The following SH3RF3 variants were observed in gnomAD, a reference collection of about 807,000 sequenced individuals.
The protein encoded by SH3RF3 is SH3 domain containing ring finger 3, also known as E3 ubiquitin-protein ligase SH3RF3.
Under a neutral mutation model 66.3 loss-of-function variants are expected in SH3RF3, and 29 were observed. The ratio of observed to expected loss-of-function variants is 0.44; its 90% CI spans 0.33 to 0.60. SH3RF3 has a LOEUF of 0.60. SH3RF3 is among the 20% of genes least tolerant of loss of function. The pLI, the probability that SH3RF3 is intolerant of heterozygous loss-of-function variation, is 0.04. For missense variants in SH3RF3, 1,194 were observed against 1,190.9 expected (o/e 1.00, Z -0.04); for synonymous variants, 583 against 532.0 (o/e 1.10, Z -1.32).
chr2:109,386,362 A>G (rs1299718551), intron 3 of SH3RF3, among the ~76,000 whole-genome samples: 1 of 152,200 alleles, frequency 6.6e-6, no homozygotes, highest in African/African-American at 2.4e-5. Context: ...CAGGCCGTAC[A>G]TGAAGCCAAA....
chr2:109,217,665 C>T (rs952609637), intron 1 of SH3RF3, among the ~76,000 whole-genome samples: 1 of 152,254 alleles, frequency 6.6e-6, no homozygotes, highest in Non-Finnish European at 1.5e-5. Context: ...TGAGGAAGCT[C>T]TCTCACCGGC....
At chr2:109,359,027 T>A (rs964900754) in intron 2 of SH3RF3, among the ~76,000 whole-genome samples, 5 of 152,238 alleles carry the variant, frequency 3.3e-5, no homozygotes, top group African/African-American at 1.2e-4. Flanking sequence ...ACTGTTTATT[T>A]TAAAAACTAT....
At position 109,268,997 on chromosome 2, in the gene SH3RF3, T is replaced by C. The variant is rs112654494; in HGVS notation, c.574-78677T>C. Among the ~76,000 whole-genome samples the C allele has an allele frequency of 6.0e-4, 91 of 152,336 alleles. 1 individual carries two copies. The highest frequency in any genetic ancestry group is 1.8e-3 in the African/African-American group (75 of 41,582). Reference sequence around the variant, plus strand: ...TGTCTGAGGAGGACCTTCTGAGCCCTAAGACATGCCCAGGTGATGAGGCTT... The same window carrying C: ...TGTCTGAGGAGGACCTTCTGAGCCCCAAGACATGCCCAGGTGATGAGGCTT... On this transcript the variant is annotated intron_variant, in intron 1 of 9. Transcript: ENST00000309415.
At chr2:109,492,362 G>T (rs1679151399) in intron 9 of SH3RF3, among the ~76,000 whole-genome samples, 2 of 152,136 alleles carry the variant, frequency 1.3e-5, no homozygotes, top group African/African-American at 2.4e-5. Context: ...CTCCAGAGTG[G>T]ACAGGGCTCT....
intron 1 of SH3RF3, among the ~76,000 whole-genome samples, chr2:109,307,296 A>C (rs968443159): frequency 5.3e-5 from 8 of 152,182 alleles, no homozygotes; most frequent in Non-Finnish European, 1.2e-4. Flanking sequence ...AATATATGAT[A>C]TTGAAGATGT....
chr2:109,420,117 A>G (rs980581703), intron 5 of SH3RF3, among the ~76,000 whole-genome samples: 1 of 152,248 alleles, frequency 6.6e-6, no homozygotes, highest in Non-Finnish European at 1.5e-5. Flanking sequence ...TCATCCCCAA[A>G]TATAACCAGA....
intron 1 of SH3RF3, among the ~76,000 whole-genome samples, chr2:109,161,066 T>A (rs1411565857): frequency 6.6e-6 from 1 of 152,134 alleles, no homozygotes; most frequent in Non-Finnish European, 1.5e-5. Context: ...GTGAGGGTGC[T>A]TGTGATCACA....
chr2:109,383,683 C>T (rs1319217369), intron 3 of SH3RF3, among the ~76,000 whole-genome samples: 1 of 152,164 alleles, frequency 6.6e-6, no homozygotes, highest in Non-Finnish European at 1.5e-5. Context: ...ATTCCAGCTT[C>T]ATTTCGTTGC....
intron 1 of SH3RF3, among the ~76,000 whole-genome samples, chr2:109,149,760 A>G (rs1309114756): frequency 1.3e-5 from 2 of 152,230 alleles, no homozygotes; most frequent in Non-Finnish European, 2.9e-5. Flanking sequence ...CGTTGTGAGT[A>G]AGTGACAATT....
At chr2:109,333,884 C>T (rs1258209251) in intron 1 of SH3RF3, among the ~76,000 whole-genome samples, 1 of 152,024 alleles carries the variant, frequency 6.6e-6, no homozygotes, top group Non-Finnish European at 1.5e-5. Flanking sequence ...ATAATGATAT[C>T]ACCAAAATAA....
intron 1 of SH3RF3, among the ~76,000 whole-genome samples, chr2:109,210,194 T>C (rs1007505172): frequency 1.3e-5 from 2 of 152,260 alleles, no homozygotes; most frequent in African/African-American, 2.4e-5. Flanking sequence ...ATTTTGTGTA[T>C]TCATTCATCT....
intron 1 of SH3RF3, among the ~76,000 whole-genome samples, chr2:109,295,753 A>T (rs938518096): frequency 6.6e-6 from 1 of 152,088 alleles, no homozygotes; most frequent in Non-Finnish European, 1.5e-5. Context: ...TGAATCTCCC[A>T]TGGTTGTGAG....
At position 109,190,384 on chromosome 2, in the gene SH3RF3, G is replaced by A. The variant is rs573949558; in HGVS notation, c.573+60271G>A. Among the ~76,000 whole-genome samples the A allele has an allele frequency of 4.5e-4, 69 of 152,338 alleles. 1 individual carries two copies. The highest frequency in any genetic ancestry group is 1.5e-3 in the African/African-American group (62 of 41,582). On this transcript the variant is annotated intron_variant, in intron 1 of 9. Coordinates refer to ENST00000309415, the MANE Select transcript of SH3RF3 (RefSeq NM_001099289.3). ...AGATGGGGTTTCGCCATGTTGGCCAGGCTGGTCTCAAATTCCTGACCTCAG... is the reference window on the plus strand; with the variant it reads ...AGATGGGGTTTCGCCATGTTGGCCAAGCTGGTCTCAAATTCCTGACCTCAG...
At chr2:109,372,712 A>G (rs1683301090) in intron 3 of SH3RF3, among the ~76,000 whole-genome samples, 1 of 152,084 alleles carries the variant, frequency 6.6e-6, no homozygotes, top group South Asian at 2.1e-4. Context: ...TCCTGCTCTC[A>G]CACCATATCC....
intron 1 of SH3RF3, among the ~76,000 whole-genome samples, chr2:109,329,088 A>G (rs1341428843): frequency 6.6e-6 from 1 of 152,100 alleles, no homozygotes; most frequent in Non-Finnish European, 1.5e-5. Flanking sequence ...GGGAATATTT[A>G]TCTCTTCCTT....
At chr2:109,214,821 T>G (rs928962949) in intron 1 of SH3RF3, among the ~76,000 whole-genome samples, 11 of 152,182 alleles carry the variant, frequency 7.2e-5, no homozygotes, top group Admixed American at 1.3e-4. Context: ...GATCTATGTA[T>G]ATTGGAGACT....
chr2:109,364,343 T>C (rs1374261522), intron 2 of SH3RF3, among the ~76,000 whole-genome samples: 1 of 152,166 alleles, frequency 6.6e-6, no homozygotes, highest in Non-Finnish European at 1.5e-5. Context: ...TGGCTCTTTA[T>C]CTTTGCTTAC....
intron 2 of SH3RF3, among the ~76,000 whole-genome samples, chr2:109,369,702 C>T (rs564101951): frequency 1.3e-5 from 2 of 152,194 alleles, no homozygotes; most frequent in Non-Finnish European, 2.9e-5. Flanking sequence ...AGAGCCCAGC[C>T]TGCCCTCCTT....
chr2:109,347,865 A>T lies in SH3RF3; in HGVS notation c.765A>T (p.Pro255=), dbSNP rs764802341. The T allele has an allele frequency of 6.2e-7, 1 of 1,613,482 alleles. No homozygotes were observed. The highest frequency in any genetic ancestry group is 1.1e-5 in the South Asian group (1 of 90,932). ...ASYIQCIQPL[P]HAPPQGKALY... is the part of the protein sequence containing the mutation. ...ATATCCAGTGCATCCAGCCCTTGCC[A>T]CACGCCCCGCCCCAGGGAAAAGCAC... The change falls in exon 2 of 10, where the codon CCA becomes CCT. Residue 255 remains proline, a synonymous_variant. Transcript: ENST00000309415.
Sources: allele counts gnomAD v4.1 joint callset (sites outside exome capture counted in the v4.1 genomes callset), GRCh38; gene constraint gnomAD v4.1.1; transcripts MANE v1.5; gene names NCBI Gene and HGNC (gene_info 2026-07-23, HGNC 2026-07-21).